The following PPM1H variants were observed in gnomAD, a reference collection of about 807,000 sequenced individuals.
The protein encoded by PPM1H is protein phosphatase, Mg2+/Mn2+ dependent 1H.
Under a neutral mutation model 54.9 loss-of-function variants are expected in PPM1H, and 27 were observed. The observed-to-expected ratio is 0.49, with a 90% CI of 0.36 to 0.68. The LOEUF (loss-of-function observed/expected upper bound fraction) is 0.68, where lower values mean the gene tolerates loss of function less well. Among genes scored for constraint, PPM1H ranks in the 30% least tolerant of loss-of-function variants. PPM1H has a pLI of 0.00. For synonymous variants in PPM1H, 305 were observed against 270.8 expected (o/e 1.13, Z -1.24); for missense variants, 596 against 667.8 (o/e 0.89, Z 1.19).
At chr12:62,892,718 C>T (rs1474567653) in intron 1 of PPM1H, among the ~76,000 whole-genome samples, 1 of 152,166 alleles carries the variant, frequency 6.6e-6, no homozygotes, top group Admixed American at 6.5e-5. Flanking sequence ...ATGACAATGA[C>T]TTATCATTGC....
intron 8 of PPM1H, among the ~76,000 whole-genome samples, chr12:62,670,705 T>G (rs370475167): frequency 6.6e-6 from 1 of 152,206 alleles, no homozygotes; most frequent in Non-Finnish European, 1.5e-5. Context: ...CCGTTCCCAT[T>G]TCTATGCTCG....
At position 62,648,117 on chromosome 12, in the gene PPM1H, G is replaced by T. The variant is rs2075796388; in HGVS notation, c.*372C>A. Reference sequence around the variant, plus strand: ...TTTTTAACCCGTAGATAAGCTGGCAGCTTGACAGGCTGAAGAGTCCTCTGC... The same window carrying T: ...TTTTTAACCCGTAGATAAGCTGGCATCTTGACAGGCTGAAGAGTCCTCTGC... On this transcript the variant is annotated 3_prime_UTR_variant, in exon 10 of 10. Coordinates refer to ENST00000228705, the MANE Select transcript of PPM1H (RefSeq NM_020700.2). 6.1e-6 allele frequency: 1 copy of T among 165,138 alleles called. No individual in the cohort carries two copies. Among genetic ancestry groups the T allele is most frequent in the Admixed American group, 6.0e-5 (1 of 16,698 alleles). The allele number at this position is 165,138 out of a possible 1,614,324, so 10.2% of individuals were successfully genotyped here. A position where few individuals can be genotyped will look rare whatever the true frequency, so the allele number is the denominator to read the frequency against.
chr12:62,832,141 C>T lies in PPM1H; in HGVS notation c.384G>A (p.Gly128=). Residue 128 remains glycine, a synonymous_variant, in exon 2 of 10, where the codon GGG becomes GGA. Coordinates refer to ENST00000228705, the MANE Select transcript of PPM1H (RefSeq NM_020700.2). ...AGTTCTCCTTCAGCTGCAGCCCTTC[C>T]CCATTGGGAAGGGAGGACCGTCTCT... ...SSKRRSSLPN[G]EGLQLKENSE... is the part of the protein sequence containing the mutation. 3 of 1,613,882 alleles carry T rather than the reference C, an allele frequency of 1.9e-6. No homozygotes were observed. Among genetic ancestry groups the T allele is most frequent in the Admixed American group, 1.7e-5 (1 of 60,012 alleles).
intron 8 of PPM1H, among the ~76,000 whole-genome samples, chr12:62,676,284 G>A (rs2075985607): frequency 6.6e-6 from 1 of 152,240 alleles, no homozygotes; most frequent in African/African-American, 2.4e-5. Flanking sequence ...GCACAGTGAA[G>A]AACAGCTTAT....
At chr12:62,679,463 A>C (rs2076006732) in intron 8 of PPM1H, among the ~76,000 whole-genome samples, 1 of 152,220 alleles carries the variant, frequency 6.6e-6, no homozygotes, top group Admixed American at 6.5e-5. Context: ...TGAATGCTTT[A>C]GCCTAACAAA....
At chr12:62,760,430 C>A (rs577486684) in intron 4 of PPM1H, among the ~76,000 whole-genome samples, 1 of 152,282 alleles carries the variant, frequency 6.6e-6, no homozygotes, top group East Asian at 1.9e-4. Context: ...CCTCCGGTCG[C>A]TCCCTGCCAG....
At chr12:62,878,081 T>C (rs1402288122) in intron 1 of PPM1H, among the ~76,000 whole-genome samples, 1 of 152,096 alleles carries the variant, frequency 6.6e-6, no homozygotes, top group Non-Finnish European at 1.5e-5. Context: ...GTATTTTTAG[T>C]AGAGATGGGG....
chr12:62,908,108 A>C (rs1871354020), intron 1 of PPM1H, among the ~76,000 whole-genome samples: 1 of 152,210 alleles, frequency 6.6e-6, no homozygotes, highest in South Asian at 2.1e-4. Context: ...CATGCATGAC[A>C]GGTCATTAGA....
At chr12:62,682,518 A>T (rs2076024734) in intron 8 of PPM1H, among the ~76,000 whole-genome samples, 1 of 152,214 alleles carries the variant, frequency 6.6e-6, no homozygotes, top group African/African-American at 2.4e-5. Context: ...TAGGAATTCT[A>T]AGAGACAAGG....
At position 62,832,117 on chromosome 12, in the gene PPM1H, G is replaced by A. The variant is rs1430178739; in HGVS notation, c.408C>T (p.Asn136=). Residue 136 remains asparagine (N), a synonymous_variant, in exon 2 of 10, where the codon AAC becomes AAT. Coordinates refer to ENST00000228705, the MANE Select transcript of PPM1H (RefSeq NM_020700.2). The part of the protein sequence containing the change: ...PNGEGLQLKE[N]SESEGVSCHY... ...CAAGGATCGAGAAGGGTCTTACCGA[G>A]TTCTCCTTCAGCTGCAGCCCTTCCC... 6.2e-7 allele frequency: 1 copy of A among 1,613,720 alleles called. No individual in the cohort carries two copies. Among genetic ancestry groups the A allele is most frequent in the South Asian group, 1.1e-5 (1 of 91,052 alleles).
intron 1 of PPM1H, among the ~76,000 whole-genome samples, chr12:62,927,178 T>C (rs1337681700): frequency 6.6e-6 from 1 of 152,206 alleles, no homozygotes; most frequent in African/African-American, 2.4e-5. Flanking sequence ...TGTATCACAG[T>C]TGTGAATGTG....
At chr12:62,850,850 C>T (rs552687516) in intron 1 of PPM1H, 8 of 151,906 alleles carry the variant, frequency 5.3e-5, no homozygotes, top group Non-Finnish European at 1.0e-4. Flanking sequence ...ATAAACCTCG[C>T]CCTGGGAAAA....
rs769750875 is a variant in PPM1H, at chr12:62,689,776, T to G, written c.1168A>C (p.Arg390=). Residue 390 remains arginine, a synonymous_variant, in exon 8 of 10, where the codon AGG becomes CGG. Coordinates refer to ENST00000228705, the MANE Select transcript of PPM1H (RefSeq NM_020700.2). Reference sequence around the variant, plus strand: ...TTCAGGTCATGGTCCCCAAGTCCCCTGGTCACTCCAATAGTTGCCATTACC... The same window carrying G: ...TTCAGGTCATGGTCCCCAAGTCCCCGGGTCACTCCAATAGTTGCCATTACC... ...ARVMATIGVT[R]GLGDHDLKVH... is the part of the protein sequence containing the mutation. 23 of 1,613,514 alleles carry G rather than the reference T, an allele frequency of 1.4e-5. No individual in the cohort carries two copies. The highest frequency in any genetic ancestry group is 1.7e-6 in the Non-Finnish European group (2 of 1,179,748).
chr12:62,757,712 G>A (rs914629034), intron 4 of PPM1H, among the ~76,000 whole-genome samples: 13 of 152,112 alleles, frequency 8.5e-5, no homozygotes, highest in African/African-American at 2.2e-4. Flanking sequence ...GAAAACACTC[G>A]GAAGCAGCTC....
intron 1 of PPM1H, among the ~76,000 whole-genome samples, chr12:62,853,347 A>T (rs1014393497): frequency 5.3e-5 from 8 of 152,238 alleles, no homozygotes; most frequent in African/African-American, 1.9e-4. Flanking sequence ...ACACTTCTAC[A>T]TGTTTGAAAT....
In PPM1H at chr12:62,733,209, T is replaced by C. The variant is rs187752267; in HGVS notation, c.954+4293A>G. ...CATGACTGGGCTGGGCTGGGAGAAA[T>C]CCACATCACACTCCTATTTTCCTCT... On this transcript the variant is annotated intron_variant, in intron 5 of 9. Transcript: ENST00000228705. 2.6e-3 allele frequency among the ~76,000 whole-genome samples: 391 copies of C among 152,002 alleles called. 2 individuals carry two copies. Among genetic ancestry groups the C allele is most frequent in the Non-Finnish European group, 4.6e-3 (314 of 67,968 alleles).
chr12:62,695,469 C>T lies in PPM1H; in HGVS notation c.1074-1470G>A, dbSNP rs532357566. On this transcript the variant is annotated intron_variant, in intron 6 of 9. Coordinates refer to ENST00000228705, the MANE Select transcript of PPM1H (RefSeq NM_020700.2). ...GTGCCTGGCAAAACAAATGCTGCTGCTGTTGAGTGAGCTGAGAGGTATTCT... is the reference window on the plus strand; with the variant it reads ...GTGCCTGGCAAAACAAATGCTGCTGTTGTTGAGTGAGCTGAGAGGTATTCT... Among the ~76,000 whole-genome samples, 82 of 152,232 alleles carry T rather than the reference C, an allele frequency of 5.4e-4. 1 individual carries two copies. Among genetic ancestry groups the T allele is most frequent in the African/African-American group, 2.0e-3 (81 of 41,528 alleles).
chr12:62,876,885 G>A (rs1198115768), intron 1 of PPM1H, among the ~76,000 whole-genome samples: 1 of 152,170 alleles, frequency 6.6e-6, no homozygotes, highest in Non-Finnish European at 1.5e-5. Context: ...TGAATCCAAT[G>A]ATGTAGCTGC....
At chr12:62,859,729 C>T (rs1387232658) in intron 1 of PPM1H, among the ~76,000 whole-genome samples, 2 of 152,034 alleles carry the variant, frequency 1.3e-5, no homozygotes, top group Non-Finnish European at 2.9e-5. Flanking sequence ...CATCTGACAC[C>T]AGTGCTTGCC....
Sources: gnomAD v4.1 joint callset for allele counts (sites outside exome capture counted in the v4.1 genomes callset) on GRCh38, gnomAD v4.1.1 for gene constraint, MANE v1.5 for transcripts, NCBI Gene and HGNC (gene_info 2026-07-23, HGNC 2026-07-21) for gene names.